Variants in OR6B1 observed in about 807,000 individuals in gnomAD.
The protein encoded by OR6B1 is olfactory receptor 6B1.
OR6B1 carries 15 observed loss-of-function variants against 15.4 expected under a neutral mutation model. The ratio of observed to expected loss-of-function variants is 0.97; its 90% CI spans 0.65 to 1.50. The LOEUF (loss-of-function observed/expected upper bound fraction) is 1.50. Among genes scored for constraint, OR6B1 ranks in the 40% most tolerant of loss-of-function variants. The pLI is 0.00. For missense variants in OR6B1, 384 were observed against 385.0 expected, an observed-to-expected ratio of 1.00 and a Z score of 0.02; for synonymous variants, 139 against 144.9, an observed-to-expected ratio of 0.96 and a Z score of 0.29.
At position 144,008,550 on chromosome 7, in the gene OR6B1, G is replaced by GGT. The variant is rs1365014077; in HGVS notation, c.*3620_*3621dup. On this transcript the variant is annotated 3_prime_UTR_variant, in exon 2 of 2. Coordinates refer to ENST00000641698, the MANE Select transcript of OR6B1 (RefSeq NM_001005281.3). ...TCCCCACATATCAAAAGGGGAACCT[G>GGT]GTGGGAAGTGATTGCATCATGGGGG... The GGT allele has an allele frequency of 1.3e-5, 2 of 152,214 alleles. No homozygotes were observed. The highest frequency in any genetic ancestry group is 2.9e-5 in the Non-Finnish European group (2 of 68,074). 9.4% of individuals were successfully genotyped at this position (152,214 alleles called of 1,614,324 possible).
At chr7:144,002,699 T>C (rs572354685) in intron 1 of OR6B1, among the ~76,000 whole-genome samples, 1 of 152,310 alleles carries the variant, frequency 6.6e-6, no homozygotes, top group South Asian at 2.1e-4. Context: ...AATCATATCA[T>C]GTCCCATTCA....
rs1240677802 is a variant in OR6B1 at position 144,008,471 on chromosome 7, GC to G, written c.*3540del. The G allele has an allele frequency of 6.6e-6, 1 of 152,230 alleles. No individual in the cohort carries two copies. Among genetic ancestry groups the G allele is most frequent in the Non-Finnish European group, 1.5e-5 (1 of 68,106 alleles). The allele number at this position is 152,230 out of a possible 1,614,324, so 9.4% of individuals were successfully genotyped here. On this transcript the variant is annotated 3_prime_UTR_variant, in exon 2 of 2. Coordinates refer to ENST00000641698, the MANE Select transcript of OR6B1 (RefSeq NM_001005281.3). ...AGCCAGAGCAGTGAGAAAAGGGTAA[GC>G]AGGTGATATGGTCTGGCTCTGTTTC...
Position 144,004,919 on chromosome 7 carries a change from G to A in OR6B1, c.923G>A (p.Ser308Asn), listed in dbSNP as rs914152774. Residue 308 changes from serine (S) to asparagine (N), a missense_variant, in exon 2 of 2, where the codon AGC becomes AAC. Physicochemically the swap from Ser to Asn is conservative, Grantham distance 46. Coordinates refer to ENST00000641698, the MANE Select transcript of OR6B1 (RefSeq NM_001005281.3). Reference protein sequence around the residue: ...ALKKLAYCQASRSD With the variant: ...ALKKLAYCQANRSD ...AAGAAACTGGCATATTGCCAGGCCA[G>A]CAGATCTGACTAGTCAATTACAGCT... 1.2e-6 allele frequency: 2 copies of A among 1,600,180 alleles called. No homozygotes were observed. Among genetic ancestry groups the A allele is most frequent in the African/African-American group, 1.3e-5 (1 of 74,724 alleles).
Position 144,004,028 on chromosome 7 carries a change from A to C in OR6B1, c.32A>C (p.Lys11Thr), listed in dbSNP as rs1199011670. 5.6e-6 allele frequency: 9 copies of C among 1,613,414 alleles called. No homozygotes were observed. In the East Asian group the frequency reaches 8.9e-5, roughly 16 times the overall value. The change falls in exon 2 of 2, where the codon AAG (lysine) becomes ACG (threonine). Residue 11 changes from lysine to threonine, a missense_variant. Lys to Thr is a moderately conservative substitution (Grantham distance 78, BLOSUM62 -1). Coordinates refer to ENST00000641698, the MANE Select transcript of OR6B1 (RefSeq NM_001005281.3). The stretch of plus-strand genomic sequence containing the variant: ...TTGGAGAACCAGACACGAGTCACCA[A>C]GTTCATTCTGGTGGGATTCCCTGGG... MELENQTRVT[K>T]FILVGFPGSL...
In OR6B1 at chr7:144,004,684, A is replaced by G. The variant is rs369728174; in HGVS notation, c.688A>G (p.Thr230Ala). Residue 230 changes from threonine (T) to alanine (A), a missense_variant, in exon 2 of 2, where the codon ACA becomes GCA. By Grantham distance (58) the Thr-to-Ala change is moderately conservative. Transcript: ENST00000641698. ...TCTGGCCACCATATTATGCATGCCC[A>G]CAGGAAAGCAGAAAGCGTTCTCCAC... ...CILATILCMP[T>A]GKQKAFSTCA... The G allele has an allele frequency of 6.8e-6, 11 of 1,614,120 alleles. No individual in the cohort carries two copies. The African/African-American group carries it at 1.2e-4, about 18-fold the overall frequency.
Position 144,004,212 on chromosome 7 carries a change from G to T in OR6B1, c.216G>T (p.Trp72Cys). Residue 72 changes from tryptophan (W) to cysteine (C), a missense_variant, in exon 2 of 2, where the codon TGG (tryptophan) becomes TGT (cysteine). Coordinates refer to ENST00000641698, the MANE Select transcript of OR6B1 (RefSeq NM_001005281.3). Reference protein sequence around the residue: ...FLANLSFLETWYISVTVPKLL... With the variant: ...FLANLSFLETCYISVTVPKLL... ...CCAACCTGTCCTTCTTGGAGACCTGGTACATCTCTGTGACTGTGCCCAAGT... is the reference window on the plus strand; with the variant it reads ...CCAACCTGTCCTTCTTGGAGACCTGTTACATCTCTGTGACTGTGCCCAAGT... 2 of 1,614,138 alleles carry T rather than the reference G, an allele frequency of 1.2e-6. No homozygotes were observed. Among genetic ancestry groups the T allele is most frequent in the Middle Eastern group, 1.7e-4 (1 of 6,060 alleles).
In OR6B1 at chr7:144,004,131, C is replaced by A. The variant is rs61736970; in HGVS notation, c.135C>A (p.Ile45=). ...TGACAGTGGCTGAAAACGTGATCAT[C>A]ATCCTATTGGTGCTGCAAAATCGGC... The part of the protein sequence containing the change: ...YILTVAENVI[I]ILLVLQNRPL... Residue 45 remains isoleucine (I), a synonymous_variant, in exon 2 of 2, where the codon ATC becomes ATA. Coordinates refer to ENST00000641698, the MANE Select transcript of OR6B1 (RefSeq NM_001005281.3). 5.6e-6 allele frequency: 9 copies of A among 1,614,132 alleles called. No homozygotes were observed. In the Middle Eastern group the frequency reaches 6.6e-4, roughly 118 times the overall value.
chr7:144,004,370 C>T lies in OR6B1; in HGVS notation c.374C>T (p.Ala125Val). Residue 125 changes from alanine to valine, a missense_variant, in exon 2 of 2, where the codon GCC (alanine) becomes GTC (valine). Transcript: ENST00000641698. ...GCCATGGCCTATGACCGGTATGTGG[C>T]CATCTGTCGCCCACTCCACTACCCA... ...LAAMAYDRYV[A>V]ICRPLHYPTI... is the part of the protein sequence containing the mutation. 1 of 1,614,200 alleles carries T rather than the reference C, an allele frequency of 6.2e-7. No individual in the cohort carries two copies. The highest frequency in any genetic ancestry group is 8.5e-7 in the Non-Finnish European group (1 of 1,180,010).
intron 1 of OR6B1, 138 bp downstream of exon 1, chr7:144,000,788 T>A (rs1017695097): frequency 7.2e-5 from 11 of 152,378 alleles, no homozygotes; most frequent in African/African-American, 2.7e-4. Context: ...TAGCAATCGG[T>A]CCGGATAATA....
intron 1 of OR6B1, among the ~76,000 whole-genome samples, chr7:144,003,446 CTCT>C (rs2050597563): frequency 6.6e-6 from 1 of 152,106 alleles, no homozygotes; most frequent in Non-Finnish European, 1.5e-5. Context: ...AAGCCCAAAT[CTCT>C]GCTACTCACT....
At chr7:144,003,275 C>G (rs1252253336) in intron 1 of OR6B1, among the ~76,000 whole-genome samples, 22 of 152,138 alleles carry the variant, frequency 1.4e-4, no homozygotes, top group Admixed American at 1.4e-3. Flanking sequence ...TACATTAACT[C>G]ATTTGGATTT....
At position 144,004,980 on chromosome 7, in the gene OR6B1, T is replaced by A. The variant is rs768896277; in HGVS notation, c.*48T>A. On this transcript the variant is annotated 3_prime_UTR_variant, in exon 2 of 2. Transcript: ENST00000641698. ...AAAGGTCTGAGTGGGTGCCTGTATG[T>A]CTTCCTCCATCCTTTCTCCTTTAAC... 2.3e-6 allele frequency: 3 copies of A among 1,319,980 alleles called. No individual in the cohort carries two copies. The highest frequency in any genetic ancestry group is 3.1e-6 in the Non-Finnish European group (3 of 963,876). The allele number at this position is 1,319,980 out of a possible 1,614,324, so 81.8% of individuals were successfully genotyped here.
rs2050630741 is a variant in OR6B1, at chr7:144,007,243, A to C, written c.*2311A>C. The C allele has an allele frequency of 6.6e-6, 1 of 152,174 alleles. No individual in the cohort carries two copies. The highest frequency in any genetic ancestry group is 1.5e-5 in the Non-Finnish European group (1 of 68,050). The allele number at this position is 152,174 out of a possible 1,614,324, so 9.4% of individuals were successfully genotyped here. A position where few individuals can be genotyped will look rare whatever the true frequency, so the allele number is the denominator to read the frequency against. ...AAGGAATACCTAAGTGCACAGGCTC[A>C]GCAAAGTAAGGACACAGACCAATGT... is the stretch of plus-strand genomic sequence containing the variant. On this transcript the variant is annotated 3_prime_UTR_variant, in exon 2 of 2. Transcript: ENST00000641698.
In OR6B1 at chr7:144,003,671, C is replaced by T. The variant is rs995593527; in HGVS notation, c.-25-301C>T. Among the ~76,000 whole-genome samples the T allele has an allele frequency of 2.6e-5, 4 of 152,156 alleles. No individual in the cohort carries two copies. In the South Asian group the frequency reaches 6.2e-4, roughly 24 times the overall value. ...TATTAGAAGGAGCGTGGGCTTTAGA[C>T]TGAGACTTGAATGTGATTCCTGCCC... is the stretch of plus-strand genomic sequence containing the variant. On this transcript the variant is annotated intron_variant, in intron 1 of 1. Transcript: ENST00000641698.
At chr7:144,003,136 G>T (rs1306325051) in intron 1 of OR6B1, among the ~76,000 whole-genome samples, 1 of 152,092 alleles carries the variant, frequency 6.6e-6, no homozygotes, top group East Asian at 1.9e-4. Flanking sequence ...CTTTGCTCAT[G>T]GCTTTGCCTT....
At position 144,004,885 on chromosome 7, in the gene OR6B1, G is replaced by A; in HGVS notation, c.889G>A (p.Glu297Lys). 6.2e-7 allele frequency: 1 copy of A among 1,609,866 alleles called. No individual in the cohort carries two copies. Among genetic ancestry groups the A allele is most frequent in the Non-Finnish European group, 8.5e-7 (1 of 1,179,748 alleles). Residue 297 changes from glutamate to lysine, a missense_variant, in exon 2 of 2, where the codon GAA (glutamate) becomes AAA (lysine). Physicochemically the swap from Glu to Lys is moderately conservative, Grantham distance 56. Coordinates refer to ENST00000641698, the MANE Select transcript of OR6B1 (RefSeq NM_001005281.3). ...IYCLRNREVK[E>K]ALKKLAYCQA... Reference sequence around the variant, plus strand: ...TTGCCTAAGAAACCGAGAGGTCAAGGAAGCTCTGAAGAAACTGGCATATTG... The same window carrying A: ...TTGCCTAAGAAACCGAGAGGTCAAGAAAGCTCTGAAGAAACTGGCATATTG...
chr7:144,001,042 C>T (rs1234166874), intron 1 of OR6B1, among the ~76,000 whole-genome samples: 2 of 152,116 alleles, frequency 1.3e-5, no homozygotes, highest in African/African-American at 4.8e-5. Context: ...TTGGCAGGGG[C>T]GGAGGTTAAA....
intron 1 of OR6B1, among the ~76,000 whole-genome samples, chr7:144,003,703 C>G (rs1235002374): frequency 6.6e-6 from 1 of 151,702 alleles, no homozygotes; most frequent in Non-Finnish European, 1.5e-5. Flanking sequence ...GCCCTGCTAC[C>G]AGTGACAACG....
rs1473310491 is a variant in OR6B1 at position 144,006,936 on chromosome 7, T to C, written c.*2004T>C. On this transcript the variant is annotated 3_prime_UTR_variant, in exon 2 of 2. Transcript: ENST00000641698. The stretch of plus-strand genomic sequence containing the variant: ...ATTGTTAAATATCTTGGGCAGTGCA[T>C]GATCTAAGCAAGCTGCCACTAGATT... The C allele has an allele frequency of 6.6e-6, 1 of 152,200 alleles. No individual in the cohort carries two copies. Among genetic ancestry groups the C allele is most frequent in the Non-Finnish European group, 1.5e-5 (1 of 68,040 alleles). The allele number at this position is 152,200 out of a possible 1,614,324, so 9.4% of individuals were successfully genotyped here. A position where few individuals can be genotyped will look rare whatever the true frequency, so the allele number is the denominator to read the frequency against.
Sources: allele counts gnomAD v4.1 joint callset (sites outside exome capture counted in the v4.1 genomes callset), GRCh38; gene constraint gnomAD v4.1.1; transcripts MANE v1.5; gene names NCBI Gene and HGNC (gene_info 2026-07-23, HGNC 2026-07-21).